Variants in STARD13 observed in about 807,000 individuals in gnomAD.
The protein encoded by STARD13 is StAR related lipid transfer domain containing 13, also known as stAR-related lipid transfer protein 13.
Under a neutral mutation model 106.4 loss-of-function variants are expected in STARD13, and 62 were observed. That is an observed-to-expected ratio of 0.58 (90% CI 0.48 to 0.72). STARD13 has a LOEUF of 0.72. Ranked by LOEUF, STARD13 falls within the 30% of genes least tolerant of loss-of-function variation. The pLI is 0.00. For synonymous variants in STARD13, 565 were observed against 553.0 expected, an observed-to-expected ratio of 1.02 and a Z score of -0.31; for missense variants, 1,387 against 1,424.0, an observed-to-expected ratio of 0.97 and a Z score of 0.42.
chr13:33,259,646 T>A (rs1890538214), intron 1 of STARD13, among the ~76,000 whole-genome samples: 1 of 152,220 alleles, frequency 6.6e-6, no homozygotes, highest in African/African-American at 2.4e-5. Context: ...ATGGTTCAGT[T>A]GGGCCTAGGA....
the STARD13 span, among the ~76,000 whole-genome samples, chr13:33,548,662 A>T: frequency 6.6e-6 from 1 of 152,234 alleles, no homozygotes; most frequent in Non-Finnish European, 1.5e-5. Context: ...TAAGAAGATT[A>T]TACCACCTCA....
At chr13:33,485,966 A>C in the STARD13 span, among the ~76,000 whole-genome samples, 5 of 152,220 alleles carry the variant, frequency 3.3e-5, no homozygotes, top group African/African-American at 1.2e-4. Flanking sequence ...TGTGGAATGC[A>C]GAAAGTGTGC....
chr13:33,395,765 A>C, the STARD13 span, among the ~76,000 whole-genome samples: 108 of 152,370 alleles, frequency 7.1e-4, no homozygotes, highest in African/African-American at 2.2e-3. Flanking sequence ...TTTATTAACT[A>C]CTTTTATAGT....
the STARD13 span, among the ~76,000 whole-genome samples, chr13:33,382,083 G>A: frequency 1.3e-5 from 2 of 152,172 alleles, no homozygotes; most frequent in Non-Finnish European, 1.5e-5. Flanking sequence ...ACCAGGCTAC[G>A]CTGCCATCAT....
chr13:33,146,927 C>T (rs983102855), intron 3 of STARD13, among the ~76,000 whole-genome samples: 6 of 152,286 alleles, frequency 3.9e-5, no homozygotes, highest in Middle Eastern at 3.4e-3. Context: ...AACTAGTAGC[C>T]TTGCATCCAC....
rs187523920 is a variant in STARD13, at chr13:33,315,912, A to G, written c.124+34378T>C. On this transcript the variant is annotated intron_variant, in intron 1 of 5. Coordinates refer to the STARD13 transcript ENST00000567873. ...ACCAGCATTTTGGGAGCAGTGGTTG[A>G]TGCTCCCAAAATGTTATAAATTTAC... 2.6e-5 allele frequency among the ~76,000 whole-genome samples: 4 copies of G among 152,182 alleles called. No homozygotes were observed. The East Asian group carries it at 7.7e-4, about 29-fold the overall frequency.
the STARD13 span, among the ~76,000 whole-genome samples, chr13:33,416,379 G>T: frequency 6.6e-6 from 1 of 152,196 alleles, no homozygotes; most frequent in Non-Finnish European, 1.5e-5. Context: ...GTAGGAGTTT[G>T]GCAGGCAAAT....
chr13:33,289,199 T>A (rs1250118163), upstream of STARD13, among the ~76,000 whole-genome samples: 3 of 152,216 alleles, frequency 2.0e-5, no homozygotes, highest in African/African-American at 7.2e-5. Flanking sequence ...GGAAAACAGA[T>A]GGCACTTGTG....
At chr13:33,506,287 CT>C in the STARD13 span, among the ~76,000 whole-genome samples, 1 of 152,216 alleles carries the variant, frequency 6.6e-6, no homozygotes, top group Admixed American at 6.6e-5. Context: ...GAATCAGGTA[CT>C]TTTTTTGTGA....
intron 3 of STARD13, among the ~76,000 whole-genome samples, chr13:33,157,636 C>A (rs1882143692): frequency 2.0e-5 from 3 of 152,196 alleles, no homozygotes; most frequent in Admixed American, 2.0e-4. Flanking sequence ...CACCACTGCA[C>A]TCCAGCCTGG....
At chr13:33,605,110 G>A in the STARD13 span, among the ~76,000 whole-genome samples, 1 of 151,684 alleles carries the variant, frequency 6.6e-6, no homozygotes, top group Non-Finnish European at 1.5e-5. Flanking sequence ...GTGGTGGTGT[G>A]AGCCTGTAGT....
Position 33,131,067 on chromosome 13 carries a change from T to C in STARD13, c.388-778A>G, listed in dbSNP as rs886387294. Among the ~76,000 whole-genome samples, 8 of 152,346 alleles carry C rather than the reference T, an allele frequency of 5.3e-5. No homozygotes were observed. The East Asian group carries it at 1.5e-3, about 29-fold the overall frequency. On this transcript the variant is annotated intron_variant, in intron 4 of 13. Coordinates refer to ENST00000336934, the MANE Select transcript of STARD13 (RefSeq NM_178006.4). ...GCCTCACACATTGACTCTAGGTGTC[T>C]GGTTTCTGCCTGAATTTGCAGCCCC... is the stretch of plus-strand genomic sequence containing the variant.
At position 33,111,886 on chromosome 13, in the gene STARD13, T is replaced by C. The variant is rs1020689175; in HGVS notation, c.2499A>G (p.Ile833Met). Residue 833 changes from isoleucine (I) to methionine (M), a missense_variant, in exon 10 of 14, where the codon ATA (isoleucine) becomes ATG (methionine). By Grantham distance (10) the Ile-to-Met change is conservative. Transcript: ENST00000336934. Reference protein sequence around the residue: ...LLKKESSPRVIQKKYATGKPD... With the variant: ...LLKKESSPRVMQKKYATGKPD... ...GCTTCCCAGTGGCATATTTCTTCTG[T>C]ATGACTCTGTAATTGAACGTGAGTG... The C allele has an allele frequency of 6.2e-7, 1 of 1,608,366 alleles. No homozygotes were observed. The highest frequency in any genetic ancestry group is 1.3e-5 in the African/African-American group (1 of 74,908).
the STARD13 span, among the ~76,000 whole-genome samples, chr13:33,579,811 T>C: frequency 6.6e-6 from 1 of 151,976 alleles, no homozygotes. Context: ...AATAAATACA[T>C]GAGAAATTGC....
intron 1 of STARD13, among the ~76,000 whole-genome samples, chr13:33,208,678 T>C (rs1749375925): frequency 6.6e-6 from 1 of 152,246 alleles, no homozygotes; most frequent in African/African-American, 2.4e-5. Flanking sequence ...CAGGAGGCTA[T>C]GGCAATTATT....
At chr13:33,597,724 C>T in the STARD13 span, among the ~76,000 whole-genome samples, 1 of 151,540 alleles carries the variant, frequency 6.6e-6, no homozygotes, top group Admixed American at 6.6e-5. Context: ...GCATGGGGCA[C>T]ATGCCTGTAA....
chr13:33,373,557 A>T, the STARD13 span, among the ~76,000 whole-genome samples: 1 of 152,162 alleles, frequency 6.6e-6, no homozygotes, highest in Admixed American at 6.5e-5. Flanking sequence ...CATATCTAAT[A>T]AGGGTTAATA....
At chr13:33,239,283 A>G (rs1285236407) in intron 1 of STARD13, among the ~76,000 whole-genome samples, 1 of 152,122 alleles carries the variant, frequency 6.6e-6, no homozygotes, top group Non-Finnish European at 1.5e-5. Context: ...CTCATCATCA[A>G]TGGACATTTA....
At chr13:33,491,080 A>T in the STARD13 span, among the ~76,000 whole-genome samples, 4 of 152,218 alleles carry the variant, frequency 2.6e-5, no homozygotes, top group South Asian at 2.1e-4. Flanking sequence ...CTTGCTTATG[A>T]CATGCTAGAG....
Sources: gnomAD v4.1 joint callset for allele counts (sites outside exome capture counted in the v4.1 genomes callset) on GRCh38, gnomAD v4.1.1 for gene constraint, MANE v1.5 for transcripts, NCBI Gene and HGNC (gene_info 2026-07-23, HGNC 2026-07-21) for gene names.